Variants in ZNF98 observed in about 807,000 individuals in gnomAD.
ZNF98 encodes zinc finger protein 739.
A neutral mutation model predicts 12.8 loss-of-function variants in ZNF98; 8 were observed. The observed-to-expected ratio is 0.63, with a 90% CI of 0.37 to 1.13. ZNF98 has a LOEUF of 1.13. Ranked by LOEUF, ZNF98 falls within the 50% of genes most tolerant of loss-of-function variation. The probability of loss-of-function intolerance (pLI) is 0.01; values close to 1 mark genes in which losing one functional copy is unlikely to be tolerated. For synonymous variants in ZNF98, 112 were observed against 223.5 expected (o/e 0.50, Z 4.45); for missense variants, 379 against 666.1 (o/e 0.57, Z 4.74).
At chr19:22,402,627 A>C (rs1020899119) in intron 3 of ZNF98, 162 bp downstream of exon 3, 1 of 636,748 alleles carries the variant, frequency 1.6e-6, no homozygotes, top group African/African-American at 1.9e-5. Context: ...AAGACAGAAG[A>C]TGCTTCTATG....
rs752823286 is a variant in ZNF98 at position 22,401,483 on chromosome 19, G to T, written c.253+1306C>A. 4.5e-5 allele frequency among the ~76,000 whole-genome samples: 6 copies of T among 134,018 alleles called. No homozygotes were observed. The East Asian group carries it at 1.1e-3, about 25-fold the overall frequency. 87.9% of individuals were successfully genotyped at this position (134,018 alleles called of 152,430 possible). On this transcript the variant is annotated intron_variant, in intron 3 of 3. Coordinates refer to ENST00000357774, the MANE Select transcript of ZNF98 (RefSeq NM_001098626.2). ...AACATTTCATGTCTATTGATTGAAA[G>T]AATTTTTTTTTTTTTTTGAGATGGA... is the stretch of plus-strand genomic sequence containing the variant.
At chr19:22,404,225 A>T (rs990088120) in intron 1 of ZNF98, among the ~76,000 whole-genome samples, 1 of 152,146 alleles carries the variant, frequency 6.6e-6, no homozygotes, top group African/African-American at 2.4e-5. Flanking sequence ...GTCTCAAAAT[A>T]AAAAAAAGAA....
chr19:22,397,212 TTG>T (rs3084811), intron 3 of ZNF98, among the ~76,000 whole-genome samples: 25 of 145,294 alleles, frequency 1.7e-4, no homozygotes, highest in South Asian at 6.6e-4. Flanking sequence ...GTGTGTGTTT[TTG>T]TGTGTGTGTG....
At chr19:22,402,526 T>C (rs1385577980) in intron 3 of ZNF98, 2 of 443,446 alleles carry the variant, frequency 4.5e-6, no homozygotes, top group East Asian at 3.5e-5. Flanking sequence ...CAGTCTCTTA[T>C]GTGCCATGAA....
intron 3 of ZNF98, among the ~76,000 whole-genome samples, chr19:22,395,854 GAC>G: frequency 7.2e-6 from 1 of 139,826 alleles, no homozygotes; most frequent in African/African-American, 2.9e-5. Flanking sequence ...GATACCGTGT[GAC>G]ACAAAGTCCT....
At chr19:22,416,322 T>C (rs1240716952) in intron 1 of ZNF98, among the ~76,000 whole-genome samples, 2 of 150,464 alleles carry the variant, frequency 1.3e-5, no homozygotes, top group East Asian at 2.0e-4. Context: ...TACAAAAAAT[T>C]AGCCGGGCGT....
intron 1 of ZNF98, among the ~76,000 whole-genome samples, chr19:22,404,346 A>G (rs1157971236): frequency 6.6e-6 from 1 of 152,254 alleles, no homozygotes; most frequent in East Asian, 1.9e-4. Context: ...TAAGTGGAAG[A>G]GCCTGTGTGT....
chr19:22,418,796 C>T (rs1599392161), intron 1 of ZNF98, among the ~76,000 whole-genome samples: 1 of 152,290 alleles, frequency 6.6e-6, no homozygotes, highest in African/African-American at 2.4e-5. Flanking sequence ...GCAGGAGAAT[C>T]GCTTGAACCC....
At chr19:22,421,919 G>C (rs956513394) in intron 1 of ZNF98, among the ~76,000 whole-genome samples, 1 of 152,202 alleles carries the variant, frequency 6.6e-6, no homozygotes, top group African/African-American at 2.4e-5. Context: ...CACAATCTGG[G>C]AGAGACGCGG....
chr19:22,392,172 A>C lies in ZNF98; in HGVS notation c.1063T>G (p.Cys355Gly), dbSNP rs377230545. 7.9e-5 allele frequency: 128 copies of C among 1,612,586 alleles called. 1 individual carries two copies. Among genetic ancestry groups the C allele is most frequent in the Non-Finnish European group, 1.0e-4 (122 of 1,179,460 alleles). Residue 355 changes from cysteine (C) to glycine (G), a missense_variant, in exon 4 of 4, where the codon TGT (cysteine) becomes GGT (glycine). By Grantham distance (159) the Cys-to-Gly change is radical. This residue lies in a region of ZNF98 where 15 missense variants were observed against 27.0 expected (regional missense o/e 0.56). Transcript: ENST00000357774. ...GATAACCGGCTAAAGGCCTTACCAC[A>C]TTCTTCACATTTGTAGAATTTCTCT... is the stretch of plus-strand genomic sequence containing the variant. ...TGEKFYKCEE[C>G]GKAFSRLSHL...
rs1339749923 is a variant in ZNF98 at position 22,403,500 on chromosome 19, A to C, written c.43T>G (p.Phe15Val). The change falls in exon 2 of 4, where the codon TTT becomes GTT. Residue 15 changes from phenylalanine to valine, a missense_variant. Coordinates refer to ENST00000357774, the MANE Select transcript of ZNF98 (RefSeq NM_001098626.2). ...GAGAATTCTAAGGCCACATCCCTAAATGTCAACACTCCCTGAAAAACATAC... is the reference window on the plus strand; with the variant it reads ...GAGAATTCTAAGGCCACATCCCTAACTGTCAACACTCCCTGAAAAACATAC... ...LGSLEMGVLT[F>V]RDVALEFSLE... The C allele has an allele frequency of 1.2e-6, 2 of 1,600,256 alleles. No individual in the cohort carries two copies. Among genetic ancestry groups the C allele is most frequent in the East Asian group, 4.5e-5 (2 of 44,788 alleles).
intron 3 of ZNF98, among the ~76,000 whole-genome samples, chr19:22,398,836 A>G (rs1169712444): frequency 3.9e-5 from 6 of 152,188 alleles, no homozygotes; most frequent in Non-Finnish European, 7.3e-5. Context: ...CAAGGTGAAA[A>G]TAAGACTATT....
chr19:22,413,291 T>C (rs1486515899), intron 1 of ZNF98, among the ~76,000 whole-genome samples: 2 of 152,050 alleles, frequency 1.3e-5, no homozygotes, highest in African/African-American at 2.4e-5. Context: ...AGAGAGGATG[T>C]CAAAACCTAT....
intron 1 of ZNF98, among the ~76,000 whole-genome samples, chr19:22,413,820 G>A (rs1396962073): frequency 5.4e-5 from 7 of 129,882 alleles, no homozygotes; most frequent in Non-Finnish European, 6.2e-5. Context: ...GGTGAGCAGA[G>A]ATGGTGCCAT....
chr19:22,417,109 A>G (rs1036649506), intron 1 of ZNF98, among the ~76,000 whole-genome samples: 1 of 151,942 alleles, frequency 6.6e-6, no homozygotes, highest in African/African-American at 2.4e-5. Context: ...CATGCCTGTA[A>G]TTCCAGCTAC....
chr19:22,419,111 T>A (rs540785881), intron 1 of ZNF98, among the ~76,000 whole-genome samples: 1 of 152,308 alleles, frequency 6.6e-6, no homozygotes, highest in South Asian at 2.1e-4. Context: ...ACTTTCGTTC[T>A]AATCTTGTTT....
At chr19:22,419,206 C>T (rs1969677403) in intron 1 of ZNF98, among the ~76,000 whole-genome samples, 2 of 152,110 alleles carry the variant, frequency 1.3e-5, no homozygotes, top group Non-Finnish European at 2.9e-5. Context: ...CTTTGGAATT[C>T]AATTTTTACA....
At chr19:22,397,264 A>C (rs1005236067) in intron 3 of ZNF98, among the ~76,000 whole-genome samples, 2 of 151,488 alleles carry the variant, frequency 1.3e-5, no homozygotes, top group Non-Finnish European at 2.9e-5. Context: ...AAACATATAA[A>C]GCAAACATTG....
chr19:22,415,986 C>CACACACAT (rs1969637823), intron 1 of ZNF98, among the ~76,000 whole-genome samples: 2 of 148,060 alleles, frequency 1.4e-5, no homozygotes, highest in Non-Finnish European at 3.0e-5. Flanking sequence ...CACACACACA[C>CACACACAT]ACACACACTT....
Sources: gnomAD v4.1 joint callset for allele counts (sites outside exome capture counted in the v4.1 genomes callset) on GRCh38, gnomAD v4.1.1 for gene constraint, gnomAD v4.1.1 regional missense constraint, MANE v1.5 for transcripts, NCBI Gene and HGNC (gene_info 2026-07-23, HGNC 2026-07-21) for gene names.